The following CMIP variants were observed in gnomAD, a reference collection of about 807,000 sequenced individuals.
CMIP encodes the protein c-Maf inducing protein.
CMIP carries 13 observed loss-of-function variants against 97.3 expected under a neutral mutation model. The ratio of observed to expected loss-of-function variants is 0.13; its 90% CI spans 0.09 to 0.21. The LOEUF (loss-of-function observed/expected upper bound fraction) is 0.21. CMIP is among the 10% of genes least tolerant of loss of function. CMIP has a pLI of 1.00. For synonymous variants in CMIP, 538 were observed against 436.3 expected, an observed-to-expected ratio of 1.23 and a Z score of -2.91; for missense variants, 847 against 1,024.9, an observed-to-expected ratio of 0.83 and a Z score of 2.37.
chr16:81,460,726 G>C (rs1191258323), intron 1 of CMIP, among the ~76,000 whole-genome samples: 1 of 152,160 alleles, frequency 6.6e-6, no homozygotes, highest in Non-Finnish European at 1.5e-5. Context: ...CTTCCCTTTA[G>C]AGTTCAGAGC....
At chr16:81,535,757 C>T (rs144246591) in intron 1 of CMIP, among the ~76,000 whole-genome samples, 108 of 152,174 alleles carry the variant, frequency 7.1e-4, no homozygotes, top group African/African-American at 2.5e-3. Context: ...ACCCTGTTAC[C>T]CACCTTCCCC....
intron 7 of CMIP, among the ~76,000 whole-genome samples, chr16:81,668,848 A>ACTCACTGCCTTCCACACCCAC (rs1190851625): frequency 3.3e-5 from 2 of 61,332 alleles, no homozygotes; most frequent in Admixed American, 1.9e-4. Context: ...CCCACCTCAC[A>ACTCACTGCCTTCCACACCCAC]CTCACTGCCT....
At chr16:81,642,712 A>G (rs1458901707) in intron 3 of CMIP, among the ~76,000 whole-genome samples, 1 of 152,134 alleles carries the variant, frequency 6.6e-6, no homozygotes, top group Non-Finnish European at 1.5e-5. Flanking sequence ...CCTGGTCAAC[A>G]TGGCGAAACC....
rs1220912935 is a variant in CMIP at position 81,608,446 on chromosome 16, A to G, written c.426+754A>G. 2.0e-5 allele frequency among the ~76,000 whole-genome samples: 3 copies of G among 152,028 alleles called. No individual in the cohort carries two copies. In the East Asian group the frequency reaches 5.8e-4, roughly 29 times the overall value. On this transcript the variant is annotated intron_variant, in intron 2 of 20. Coordinates refer to ENST00000537098, the MANE Select transcript of CMIP (RefSeq NM_198390.3). ...GGAAAGATGACCCACCTGCAGCCCA[A>G]AGCCACATCCTTAGAGGCTGTAATC...
intron 7 of CMIP, among the ~76,000 whole-genome samples, chr16:81,667,795 A>AGTGTGTGT (rs1201342935): frequency 1.2e-3 from 80 of 68,072 alleles, no homozygotes; most frequent in African/African-American, 3.2e-3. Context: ...AGAGAGAGAG[A>AGTGTGTGT]GAGAGTGTGT....
chr16:81,621,197 G>A lies in CMIP; in HGVS notation c.477+271G>A. Reference sequence around the variant, plus strand: ...CTTCAAAAGGATCATAGAACTGCTTGCTCTCAGAGTGAGGGCGACCCTGAG... The same window carrying A: ...CTTCAAAAGGATCATAGAACTGCTTACTCTCAGAGTGAGGGCGACCCTGAG... On this transcript the variant is annotated intron_variant, in intron 3 of 20. Transcript: ENST00000537098. This position sits in a 1 kb window ranked among gnomAD's most constrained non-coding sequence, Gnocchi z 4.1. The A allele has an allele frequency of 2.8e-6, 1 of 356,256 alleles. No individual in the cohort carries two copies. Among genetic ancestry groups the A allele is most frequent in the South Asian group, 3.8e-5 (1 of 26,416 alleles). The allele number at this position is 356,256 out of a possible 1,614,324, so 22.1% of individuals were successfully genotyped here. A position where few individuals can be genotyped will look rare whatever the true frequency, so the allele number is the denominator to read the frequency against.
At chr16:81,577,240 CACT>C (rs2091207592) in intron 1 of CMIP, among the ~76,000 whole-genome samples, 1 of 149,314 alleles carries the variant, frequency 6.7e-6, no homozygotes, top group Non-Finnish European at 1.5e-5. Flanking sequence ...TCCCCATTAC[CACT>C]ACATTATTAT....
chr16:81,654,890 GAGAAAC>G (rs5818345), intron 4 of CMIP, among the ~76,000 whole-genome samples: 29,897 of 152,048 alleles, frequency 0.2, 3,217 homozygotes, highest in African/African-American at 0.28. Flanking sequence ...GATGAAGAGT[GAGAAAC>G]CGTGTTGTAG....
intron 1 of CMIP, among the ~76,000 whole-genome samples, chr16:81,513,529 G>A (rs183059072): frequency 2.0e-5 from 3 of 152,346 alleles, no homozygotes; most frequent in Admixed American, 1.3e-4. Flanking sequence ...TTTCTCTGCC[G>A]TGTCGGGGAC....
intron 14 of CMIP, chr16:81,697,692 A>T (rs1007003920): frequency 4.6e-5 from 7 of 152,214 alleles, no homozygotes; most frequent in African/African-American, 1.7e-4. Context: ...GCCGGTGGTG[A>T]TTCTCCTCTC....
Position 81,709,804 on chromosome 16 carries a change from C to G in CMIP, c.*5C>G. The G allele has an allele frequency of 6.2e-7, 1 of 1,613,822 alleles. No homozygotes were observed. Among genetic ancestry groups the G allele is most frequent in the Non-Finnish European group, 8.5e-7 (1 of 1,179,794 alleles). ...CGCTACACCGAAGCCTGGTGAAGCT[C>G]CCAGCTCAAGGCAGGAAGACGTTTG... On this transcript the variant is annotated 3_prime_UTR_variant, in exon 21 of 21. Coordinates refer to ENST00000537098, the MANE Select transcript of CMIP (RefSeq NM_198390.3).
intron 7 of CMIP, among the ~76,000 whole-genome samples, chr16:81,669,066 TCA>T (rs1159144768): frequency 8.7e-6 from 1 of 114,688 alleles, no homozygotes; most frequent in Non-Finnish European, 1.8e-5. Flanking sequence ...CACCCACCTC[TCA>T]CACTCACCTC....
intron 1 of CMIP, among the ~76,000 whole-genome samples, chr16:81,515,583 C>A (rs2089897109): frequency 1.3e-5 from 2 of 152,160 alleles, no homozygotes; most frequent in African/African-American, 4.8e-5. Flanking sequence ...AAGTGGCCAT[C>A]AGGAAATCAC....
At position 81,471,433 on chromosome 16, in the gene CMIP, T is replaced by C. The variant is rs910805626; in HGVS notation, c.300+25892T>C. On this transcript the variant is annotated intron_variant, in intron 1 of 20. Coordinates refer to ENST00000537098, the MANE Select transcript of CMIP (RefSeq NM_198390.3). ...ATACACACATACATGTACATGCACA[T>C]ACATTTGTACATGCATATGTACACA... Among the ~76,000 whole-genome samples, 11 of 151,920 alleles carry C rather than the reference T, an allele frequency of 7.2e-5. No homozygotes were observed. The East Asian group carries it at 1.5e-3, about 21-fold the overall frequency.
At chr16:81,457,529 G>C (rs1235452812) in intron 1 of CMIP, among the ~76,000 whole-genome samples, 9 of 152,180 alleles carry the variant, frequency 5.9e-5, no homozygotes. Context: ...GCCTCCACCT[G>C]CCAGGTGCTG....
At chr16:81,454,984 A>G (rs1597445013) in intron 1 of CMIP, among the ~76,000 whole-genome samples, 1 of 152,188 alleles carries the variant, frequency 6.6e-6, no homozygotes, top group East Asian at 1.9e-4. Flanking sequence ...GAGTCTGTGC[A>G]GTTTTTATGG....
intron 1 of CMIP, among the ~76,000 whole-genome samples, chr16:81,509,302 C>T (rs1290872641): frequency 6.6e-6 from 1 of 152,188 alleles, no homozygotes. Context: ...CTGGAGAGCC[C>T]ACCGGAATGA....
Position 81,704,007 on chromosome 16 carries a change from C to T in CMIP, c.2013C>T (p.Phe671=), listed in dbSNP as rs1907732684. 1 of 1,604,200 alleles carries T rather than the reference C, an allele frequency of 6.2e-7. No homozygotes were observed. The highest frequency in any genetic ancestry group is 1.7e-5 in the Admixed American group (1 of 58,970). ...ACCTGGAGAACCTCAGTTTGGCCTT[C>T]ACCAATGTAACCAGTGCCTGCGCCG... ...FGNLENLSLA[F]TNVTSACAEH... is the part of the protein sequence containing the mutation. The change falls in exon 18 of 21, where the codon TTC becomes TTT. Residue 671 remains phenylalanine (F), a synonymous_variant. Coordinates refer to ENST00000537098, the MANE Select transcript of CMIP (RefSeq NM_198390.3).
intron 10 of CMIP, 180 bp from the exon 11 acceptor site, chr16:81,691,595 T>C: frequency 1.6e-6 from 1 of 637,398 alleles, no homozygotes; most frequent in South Asian, 1.8e-5. Flanking sequence ...TTGTGAGTCC[T>C]TGAGGCCACG....
Sources: allele counts gnomAD v4.1 joint callset (sites outside exome capture counted in the v4.1 genomes callset), GRCh38; gene constraint gnomAD v4.1.1; non-coding constraint Gnocchi (gnomAD v3.1); transcripts MANE v1.5; gene names NCBI Gene and HGNC (gene_info 2026-07-23, HGNC 2026-07-21).